The following COL23A1 variants were observed in gnomAD, a reference collection of about 807,000 sequenced individuals.
COL23A1 encodes the protein collagen alpha-1(XXIII) chain.
COL23A1 carries 97 observed loss-of-function variants against 99.3 expected under a neutral mutation model. That is an observed-to-expected ratio of 0.98 (90% confidence interval 0.83 to 1.16). COL23A1 has a LOEUF of 1.16. Ranked by LOEUF, COL23A1 falls within the 50% of genes most tolerant of loss-of-function variation. COL23A1 has a pLI of 0.00. For missense variants in COL23A1, 762 were observed against 757.4 expected (o/e 1.01, Z -0.07); for synonymous variants, 320 against 308.2 (o/e 1.04, Z -0.40).
chr5:178,335,904 C>T (rs1760291630), intron 2 of COL23A1, among the ~76,000 whole-genome samples: 1 of 152,214 alleles, frequency 6.6e-6, no homozygotes, highest in Non-Finnish European at 1.5e-5. Context: ...ATGTCTTTGC[C>T]AAGAATTCCA....
chr5:178,284,467 A>C (rs1457898092), intron 5 of COL23A1, among the ~76,000 whole-genome samples: 2 of 152,200 alleles, frequency 1.3e-5, no homozygotes, highest in Non-Finnish European at 2.9e-5. Flanking sequence ...TGTTGGTGGG[A>C]ATGTAAATTA....
chr5:178,468,470 C>A lies in COL23A1; in HGVS notation c.361+92212G>T, dbSNP rs1418999073. On this transcript the variant is annotated intron_variant, in intron 2 of 28. Coordinates refer to ENST00000390654, the MANE Select transcript of COL23A1 (RefSeq NM_173465.4). This position sits in a 1 kb window ranked among gnomAD's most constrained non-coding sequence, Gnocchi z 4.2. ...TCCGTCTCCTGTGGGCTAGACACTG[C>A]CTGCAGGGCACGAGATGATTATTTC... is the stretch of plus-strand genomic sequence containing the variant. Among the ~76,000 whole-genome samples the A allele has an allele frequency of 6.6e-6, 1 of 152,160 alleles. No individual in the cohort carries two copies. The highest frequency in any genetic ancestry group is 1.5e-5 in the Non-Finnish European group (1 of 68,022).
intron 17 of COL23A1, among the ~76,000 whole-genome samples, chr5:178,251,589 A>T (rs944705407): frequency 3.9e-5 from 6 of 152,204 alleles, no homozygotes; most frequent in Non-Finnish European, 8.8e-5. Flanking sequence ...CTTTAAAAAA[A>T]GTTTTAGATT....
chr5:178,402,727 A>G (rs894915456), intron 2 of COL23A1, among the ~76,000 whole-genome samples: 1 of 152,016 alleles, frequency 6.6e-6, no homozygotes, highest in Non-Finnish European at 1.5e-5. Flanking sequence ...TCTTAAAAAA[A>G]GAAAGAAAAA....
intron 2 of COL23A1, among the ~76,000 whole-genome samples, chr5:178,367,647 G>A (rs1001003704): frequency 6.6e-6 from 1 of 152,200 alleles, no homozygotes; most frequent in Non-Finnish European, 1.5e-5. Context: ...GGCTGCAGAG[G>A]GCCCATGGGA....
At chr5:178,291,720 C>A (rs983056899) in intron 3 of COL23A1, among the ~76,000 whole-genome samples, 1 of 151,922 alleles carries the variant, frequency 6.6e-6, no homozygotes, top group African/African-American at 2.4e-5. Flanking sequence ...GCTGAGGTGT[C>A]CCCATGCAGG....
intron 4 of COL23A1, chr5:178,288,642 G>T: frequency 1.8e-6 from 1 of 547,674 alleles, no homozygotes; most frequent in Non-Finnish European, 3.4e-6. Context: ...ATGCCACGTG[G>T]GGACGTGGGG....
intron 7 of COL23A1, 27 bp from the exon 8 acceptor site, chr5:178,267,360 T>A (rs2127559503): frequency 6.2e-7 from 1 of 1,612,656 alleles, no homozygotes; most frequent in East Asian, 2.2e-5. Context: ...GGGAGAGGCA[T>A]CACCACTGCT....
rs531510910 is a variant in COL23A1, at chr5:178,281,822, G to A, written c.441+6502C>T. On this transcript the variant is annotated intron_variant, in intron 5 of 28. Coordinates refer to ENST00000390654, the MANE Select transcript of COL23A1 (RefSeq NM_173465.4). The surrounding 1 kb of genome is among the most constrained non-coding windows in gnomAD (Gnocchi z 4.0). ...CCTAGCACTTTGGGAGGCCGAGGTG[G>A]TCAGATTGCCTGAGCTCAGGAGTTT... Among the ~76,000 whole-genome samples the A allele has an allele frequency of 2.8e-4, 42 of 152,132 alleles. No homozygotes were observed. Among genetic ancestry groups the A allele is most frequent in the Non-Finnish European group, 5.6e-4 (38 of 67,994 alleles).
chr5:178,304,203 T>C (rs1032380028), intron 3 of COL23A1, among the ~76,000 whole-genome samples: 2 of 151,742 alleles, frequency 1.3e-5, no homozygotes, highest in African/African-American at 4.8e-5. Flanking sequence ...GGCACTGCCC[T>C]ACCTGGCAAA....
At chr5:178,299,467 T>A (rs1298794582) in intron 3 of COL23A1, among the ~76,000 whole-genome samples, 1 of 152,184 alleles carries the variant, frequency 6.6e-6, no homozygotes, top group Non-Finnish European at 1.5e-5. Flanking sequence ...TTAATCCTTT[T>A]CATTTTTTTA....
chr5:178,528,149 TC>T (rs1016276117), intron 2 of COL23A1, among the ~76,000 whole-genome samples: 15 of 152,146 alleles, frequency 9.9e-5, no homozygotes, highest in African/African-American at 3.4e-4. Context: ...TGCCACCTGT[TC>T]TACCCCTCAG....
chr5:178,353,727 C>T lies in COL23A1; in HGVS notation c.362-46808G>A, dbSNP rs567388808. On this transcript the variant is annotated intron_variant, in intron 2 of 28. Coordinates refer to ENST00000390654, the MANE Select transcript of COL23A1 (RefSeq NM_173465.4). Reference sequence around the variant, plus strand: ...GGCCAGGGTGTGGGTGACATCTCTCCGTGGATGGGAATCAGCGCTGTATCA... The same window carrying T: ...GGCCAGGGTGTGGGTGACATCTCTCTGTGGATGGGAATCAGCGCTGTATCA... 2.9e-3 allele frequency among the ~76,000 whole-genome samples: 443 copies of T among 152,228 alleles called. 3 individuals are homozygous for T. Among genetic ancestry groups the T allele is most frequent in the African/African-American group, 9.9e-3 (410 of 41,528 alleles).
chr5:178,257,339 C>T (rs1027610353), intron 13 of COL23A1, among the ~76,000 whole-genome samples, 184 bp downstream of exon 13: 5 of 152,082 alleles, frequency 3.3e-5, no homozygotes, highest in Admixed American at 3.3e-4. Flanking sequence ...GGCACATGGC[C>T]CGGGTGAGAC....
chr5:178,588,089 TG>T (rs1322657970), intron 1 of COL23A1, among the ~76,000 whole-genome samples: 3 of 152,226 alleles, frequency 2.0e-5, no homozygotes, highest in Non-Finnish European at 4.4e-5. Flanking sequence ...CAGGGTTCCC[TG>T]GATTCTAAAT....
At chr5:178,568,020 G>A (rs956378955) in intron 1 of COL23A1, among the ~76,000 whole-genome samples, 2 of 152,218 alleles carry the variant, frequency 1.3e-5, no homozygotes, top group African/African-American at 4.8e-5. Context: ...AAGTGATCAA[G>A]GTTCATGTCA....
chr5:178,286,887 G>T (rs2913834), intron 5 of COL23A1, among the ~76,000 whole-genome samples: 115,115 of 151,770 alleles, frequency 0.76, 45,201 homozygotes, highest in Non-Finnish European at 0.87. Flanking sequence ...AGAAGAGGGG[G>T]AGGAAACCAC....
intron 2 of COL23A1, among the ~76,000 whole-genome samples, chr5:178,531,700 A>G (rs1289062130): frequency 6.6e-6 from 1 of 152,152 alleles, no homozygotes; most frequent in East Asian, 1.9e-4. Context: ...TTATTTTGTT[A>G]TTGTTGCCAA....
At chr5:178,314,623 C>A (rs537297257) in intron 2 of COL23A1, among the ~76,000 whole-genome samples, 1 of 152,174 alleles carries the variant, frequency 6.6e-6, no homozygotes, top group Non-Finnish European at 1.5e-5. Flanking sequence ...ACAACCACAG[C>A]GGCCTGCAAC....
Sources: gnomAD v4.1 joint callset for allele counts (sites outside exome capture counted in the v4.1 genomes callset) on GRCh38, gnomAD v4.1.1 for gene constraint, Gnocchi (gnomAD v3.1) non-coding constraint, MANE v1.5 for transcripts, NCBI Gene and HGNC (gene_info 2026-07-23, HGNC 2026-07-21) for gene names.